Variants in HHATL observed in about 807,000 individuals in gnomAD.
HHATL encodes protein-cysteine N-palmitoyltransferase HHAT-like protein.
HHATL carries 49 observed loss-of-function variants against 59.7 expected under a neutral mutation model. The ratio of observed to expected loss-of-function variants is 0.82; its 90% CI spans 0.65 to 1.04. The LOEUF is 1.04. Ranked by LOEUF, HHATL falls within the 50% of genes least tolerant of loss-of-function variation. The probability of loss-of-function intolerance (pLI) is 0.00; values close to 1 mark genes in which losing one functional copy is unlikely to be tolerated. For missense variants in HHATL, 605 were observed against 650.8 expected (o/e 0.93, Z 0.77); for synonymous variants, 238 against 257.3 (o/e 0.93, Z 0.72).
chr3:42,700,652 C>A, intron 2 of HHATL, 69 bp downstream of exon 2: 1 of 1,036,496 alleles, frequency 9.6e-7, no homozygotes. Context: ...TCTGGCTTTG[C>A]TGGTTGGAAC....
rs1698000549 is a variant in HHATL, at chr3:42,701,700, A to T, written c.-13-861T>A. Among the ~76,000 whole-genome samples, 1 of 152,130 alleles carries T rather than the reference A, an allele frequency of 6.6e-6. No individual in the cohort carries two copies. The highest frequency in any genetic ancestry group is 1.5e-5 in the Non-Finnish European group (1 of 67,994). ...CGGGGGCCTAGCTTGTCCCCTGGAGAACTGCTGGGCCGTACTACGGCTCAG... is the reference window on the plus strand; with the variant it reads ...CGGGGGCCTAGCTTGTCCCCTGGAGTACTGCTGGGCCGTACTACGGCTCAG... On this transcript the variant is annotated intron_variant, in intron 1 of 11. Coordinates refer to ENST00000441594, the MANE Select transcript of HHATL (RefSeq NM_020707.4). This position sits in a 1 kb window ranked among gnomAD's most constrained non-coding sequence, Gnocchi z 5.1.
intron 3 of HHATL, 54 bp from the exon 4 acceptor site, chr3:42,699,199 C>T: frequency 3.0e-6 from 4 of 1,313,638 alleles, no homozygotes; most frequent in South Asian, 2.4e-5. Flanking sequence ...GGAGAGGGGA[C>T]AGGACGAGCT....
At position 42,697,661 on chromosome 3, in the gene HHATL, C is replaced by G; in HGVS notation, c.712G>C (p.Val238Leu). 1 of 1,613,550 alleles carries G rather than the reference C, an allele frequency of 6.2e-7. No individual in the cohort carries two copies. Among genetic ancestry groups the G allele is most frequent in the East Asian group, 2.2e-5 (1 of 44,872 alleles). Reference protein sequence around the residue: ...FHAQVSQVEPVRREGELWHIR... With the variant: ...FHAQVSQVEPLRREGELWHIR... Reference sequence around the variant, plus strand: ...TGCCACAGCTCACCCTCGCGTCTCACTGGCTCCACCTGGCTCACCTGGGGG... The same window carrying G: ...TGCCACAGCTCACCCTCGCGTCTCAGTGGCTCCACCTGGCTCACCTGGGGG... The change falls in exon 7 of 12, where the codon GTG (valine) becomes CTG (leucine). Residue 238 changes from valine (V) to leucine (L), a missense_variant. By Grantham distance (32) the Val-to-Leu change is conservative (BLOSUM62 1). Transcript: ENST00000441594.
intron 9 of HHATL, among the ~76,000 whole-genome samples, chr3:42,696,559 C>T (rs780138917): frequency 5.3e-5 from 8 of 152,180 alleles, no homozygotes; most frequent in African/African-American, 7.2e-5. Flanking sequence ...GCAATTTGAG[C>T]GTCATCTCCT....
At chr3:42,694,432 T>A (rs552887939) in intron 9 of HHATL, among the ~76,000 whole-genome samples, 1 of 152,386 alleles carries the variant, frequency 6.6e-6, no homozygotes, top group East Asian at 1.9e-4. Flanking sequence ...TTCTTGTTTC[T>A]GCTTTTGCCC....
chr3:42,693,549 A>G (rs1697447705), intron 10 of HHATL, 68 bp downstream of exon 10: 4 of 1,372,084 alleles, frequency 2.9e-6, no homozygotes, highest in Non-Finnish European at 4.1e-6. Flanking sequence ...GGACAACTCC[A>G]GAAAGCAGCA....
chr3:42,698,292 G>A lies in HHATL; in HGVS notation c.543C>T (p.Ser181=), dbSNP rs1382041329. ...LQEVLFHGGS[S]FTVLRCTSFA... ...AGCTGGTGCAACGCAGCACTGTGAAGCTGCTGCCCCCATGAAACAGCACCT... is the reference window on the plus strand; with the variant it reads ...AGCTGGTGCAACGCAGCACTGTGAAACTGCTGCCCCCATGAAACAGCACCT... The change falls in exon 6 of 12, where the codon AGC becomes AGT. Residue 181 remains serine (S), a synonymous_variant. Transcript: ENST00000441594. The A allele has an allele frequency of 4.3e-6, 7 of 1,614,038 alleles. No homozygotes were observed. Among genetic ancestry groups the A allele is most frequent in the Non-Finnish European group, 5.9e-6 (7 of 1,179,940 alleles).
In HHATL at chr3:42,692,741, C is replaced by A. The variant is rs370009888; in HGVS notation, c.*10G>T. 6.2e-7 allele frequency: 1 copy of A among 1,614,216 alleles called. No individual in the cohort carries two copies. The highest frequency in any genetic ancestry group is 1.7e-5 in the Admixed American group (1 of 60,030). ...AGCTGAGCAGAGCCCATCCCTCTAC[C>A]CGCTCCCTCCTACTCCGGCTTCTCT... On this transcript the variant is annotated 3_prime_UTR_variant, in exon 12 of 12. Coordinates refer to ENST00000441594, the MANE Select transcript of HHATL (RefSeq NM_020707.4).
chr3:42,699,905 C>G, intron 2 of HHATL, 80 bp from the exon 3 acceptor site: 1 of 1,197,316 alleles, frequency 8.4e-7, no homozygotes, highest in Admixed American at 2.1e-5. Flanking sequence ...GGCTGCCCCA[C>G]CCTGGGGAGC....
At chr3:42,696,532 C>G (rs966551289) in intron 9 of HHATL, among the ~76,000 whole-genome samples, 3 of 152,164 alleles carry the variant, frequency 2.0e-5, no homozygotes, top group Non-Finnish European at 2.9e-5. Flanking sequence ...GCCCTCCATC[C>G]TCCCAGGCTG....
At chr3:42,693,318 G>A (rs754281929) in intron 10 of HHATL, 100 bp from the exon 11 acceptor site, 24 of 1,460,570 alleles carry the variant, frequency 1.6e-5, no homozygotes, top group Non-Finnish European at 2.1e-5. Flanking sequence ...CAGGTCTTGG[G>A]GCTATGTCTG....
intron 9 of HHATL, among the ~76,000 whole-genome samples, chr3:42,694,478 CT>C: frequency 6.6e-6 from 1 of 152,228 alleles, no homozygotes; most frequent in Admixed American, 6.5e-5. Context: ...CCAGAGGCAT[CT>C]TTTAAGAGTG....
intron 11 of HHATL, 33 bp downstream of exon 11, chr3:42,693,044 C>A (rs746392510): frequency 6.2e-7 from 1 of 1,612,480 alleles, no homozygotes. Flanking sequence ...TGATGCCTGG[C>A]ACCTTCTGTA....
chr3:42,695,463 A>C (rs966276116), intron 9 of HHATL, among the ~76,000 whole-genome samples: 2 of 152,164 alleles, frequency 1.3e-5, no homozygotes, highest in African/African-American at 4.8e-5. Flanking sequence ...CACATGCTGG[A>C]GTTCATAAGC....
intron 6 of HHATL, 49 bp from the exon 7 acceptor site, chr3:42,697,728 A>G (rs1697700035): frequency 1.3e-6 from 2 of 1,580,058 alleles, no homozygotes; most frequent in East Asian, 4.5e-5. Context: ...CTGCCTGGGG[A>G]GCCCTGTCTG....
rs769107852 is a variant in HHATL, at chr3:42,698,724, G to C, written c.467C>G (p.Pro156Arg). The C allele has an allele frequency of 1.9e-6, 3 of 1,578,592 alleles. No homozygotes were observed. Among genetic ancestry groups the C allele is most frequent in the East Asian group, 4.5e-5 (2 of 44,748 alleles). ...AGTTCACACCTGCCAAGAGATTAGG[G>C]GGTCCATCTTGAAGGAGGCCAGGCT... ...LASLASFKMD[P>R]LISWQSGFVT... The change falls in exon 5 of 12, where the codon CCC becomes CGC. Residue 156 changes from proline to arginine, a missense_variant. Physicochemically the swap from Pro to Arg is moderately radical, Grantham distance 103. Coordinates refer to ENST00000441594, the MANE Select transcript of HHATL (RefSeq NM_020707.4).
Position 42,699,787 on chromosome 3 carries a change from G to T in HHATL, c.145C>A (p.Pro49Thr), listed in dbSNP as rs371945799. The T allele has an allele frequency of 6.3e-7, 1 of 1,579,430 alleles. No homozygotes were observed. Among genetic ancestry groups the T allele is most frequent in the Non-Finnish European group, 8.6e-7 (1 of 1,161,914 alleles). Residue 49 changes from proline to threonine, a missense_variant, in exon 3 of 12, where the codon CCT becomes ACT. Transcript: ENST00000441594. ...TTCCGGCCAATGTACTCCCAGCCAGGTCGCACAGACTCCCGGAAGGCCTTC... is the reference window on the plus strand; with the variant it reads ...TTCCGGCCAATGTACTCCCAGCCAGTTCGCACAGACTCCCGGAAGGCCTTC... Reference protein sequence around the residue: ...HRKAFRESVRPGWEYIGRKMD... With the variant: ...HRKAFRESVRTGWEYIGRKMD...
chr3:42,698,010 C>A, intron 6 of HHATL, 132 bp downstream of exon 6: 2 of 979,760 alleles, frequency 2.0e-6, no homozygotes, highest in Non-Finnish European at 3.1e-6. Context: ...GGAGGGGAGA[C>A]ACGGCTTCAT....
Position 42,698,792 on chromosome 3 carries a change from C to T in HHATL, c.399G>A (p.Ser133=), listed in dbSNP as rs139835860. 4,651 of 1,613,166 alleles carry T rather than the reference C, an allele frequency of 2.9e-3. 151 individuals are homozygous for T. The East Asian group carries it at 0.08, about 28-fold the overall frequency. Reference sequence around the variant, plus strand: ...GACAGAGCCAGGGCTGGCCCAAAAGCGAGGCCACATAGAGGCCCACACAGT... The same window carrying T: ...GACAGAGCCAGGGCTGGCCCAAAAGTGAGGCCACATAGAGGCCCACACAGT... ...LGHCVGLYVA[S]LLGQPWLCLG... Residue 133 remains serine, a synonymous_variant, in exon 5 of 12, where the codon TCG becomes TCA. Coordinates refer to ENST00000441594, the MANE Select transcript of HHATL (RefSeq NM_020707.4).
Sources: allele counts gnomAD v4.1 joint callset (sites outside exome capture counted in the v4.1 genomes callset), GRCh38; gene constraint gnomAD v4.1.1; non-coding constraint Gnocchi (gnomAD v3.1); transcripts MANE v1.5; gene names NCBI Gene and HGNC (gene_info 2026-07-23, HGNC 2026-07-21).